Variants in JAKMIP3 observed in about 807,000 individuals in gnomAD.
JAKMIP3 encodes janus kinase and microtubule-interacting protein 3.
A neutral mutation model predicts 118.5 loss-of-function variants in JAKMIP3; 58 were observed. The observed-to-expected ratio is 0.49, with a 90% CI of 0.40 to 0.61. The LOEUF (loss-of-function observed/expected upper bound fraction) is 0.61. Among genes scored for constraint, JAKMIP3 ranks in the 20% least tolerant of loss-of-function variants. The pLI, the probability that JAKMIP3 is intolerant of heterozygous loss-of-function variation, is 0.00. For synonymous variants in JAKMIP3, 486 were observed against 451.2 expected, an observed-to-expected ratio of 1.08 and a Z score of -0.98; for missense variants, 950 against 1,109.0, an observed-to-expected ratio of 0.86 and a Z score of 2.04.
chr10:132,077,433 CCCG>C (rs2041005431), intron 1 of JAKMIP3, among the ~76,000 whole-genome samples: 1 of 152,156 alleles, frequency 6.6e-6, no homozygotes, highest in Non-Finnish European at 1.5e-5. Flanking sequence ...CCACAGGGGG[CCCG>C]AAGAGTCCTC....
chr10:132,109,043 TACAC>T (rs199947950), intron 2 of JAKMIP3, among the ~76,000 whole-genome samples: 27 of 140,236 alleles, frequency 1.9e-4, no homozygotes, highest in African/African-American at 3.2e-4. Flanking sequence ...TGTATATATA[TACAC>T]ACACATACAT....
chr10:132,061,083 A>G (rs2038377276), upstream of JAKMIP3, among the ~76,000 whole-genome samples: 1 of 152,238 alleles, frequency 6.6e-6, no homozygotes, highest in Non-Finnish European at 1.5e-5. Context: ...AGATTTCAGC[A>G]AGCTGCTAGT....
intron 16 of JAKMIP3, 81 bp downstream of exon 16, chr10:132,150,122 C>T: frequency 8.7e-7 from 1 of 1,154,130 alleles, no homozygotes; most frequent in Non-Finnish European, 1.2e-6. Context: ...GGAGGCCCTG[C>T]CAGCCTCCCA....
chr10:132,159,192 ATCTCTCCCTGTGTGATGCTGTGGGGG>A, intron 19 of JAKMIP3, among the ~76,000 whole-genome samples: 1 of 9,246 alleles, frequency 1.1e-4, no homozygotes. Context: ...TTGTGGGGGC[ATCTCTCCCTGTGTGATGCTGTGGGGG>A]CATCTCTCCC....
intron 2 of JAKMIP3, among the ~76,000 whole-genome samples, chr10:132,111,650 C>T (rs529402902): frequency 1.3e-5 from 2 of 152,232 alleles, no homozygotes; most frequent in East Asian, 3.9e-4. Flanking sequence ...GCCGGCCTCC[C>T]TGGACCGCTG....
chr10:132,148,097 A>C, intron 14 of JAKMIP3, 47 bp downstream of exon 14: 2 of 1,237,700 alleles, frequency 1.6e-6, no homozygotes, highest in Non-Finnish European at 2.3e-6. Flanking sequence ...TGTGTCAGGG[A>C]TCTAGTCCTC....
At chr10:132,097,994 TC>T (rs1476223582) in intron 1 of JAKMIP3, among the ~76,000 whole-genome samples, 1 of 120,272 alleles carries the variant, frequency 8.3e-6, no homozygotes, top group Non-Finnish European at 1.7e-5. Context: ...CCCTTCCCCT[TC>T]CCCTTCCCCT....
rs757728403 is a variant in JAKMIP3, at chr10:132,117,327, A to T, written c.386A>T (p.Glu129Val). The change falls in exon 3 of 24, where the codon GAA (glutamate) becomes GTA (valine). Residue 129 changes from glutamate to valine, a missense_variant. By Grantham distance (121) the Glu-to-Val change is moderately radical (BLOSUM62 -2). Transcript: ENST00000684848. This position sits in a 1 kb window ranked among gnomAD's most constrained non-coding sequence, Gnocchi z 8.6. ...AGTGCCCTGCGTGATGGCGGCCCCGAAAAGGTCAAGACCGTGCTGCTGTCC... is the reference window on the plus strand; with the variant it reads ...AGTGCCCTGCGTGATGGCGGCCCCGTAAAGGTCAAGACCGTGCTGCTGTCC... ...LLSALRDGGP[E>V]KVKTVLLSEA... is the part of the protein sequence containing the mutation. 1 of 1,613,942 alleles carries T rather than the reference A, an allele frequency of 6.2e-7. No homozygotes were observed. The highest frequency in any genetic ancestry group is 8.5e-7 in the Non-Finnish European group (1 of 1,179,872).
intron 1 of JAKMIP3, among the ~76,000 whole-genome samples, chr10:132,080,604 C>A (rs1411247265): frequency 7.0e-6 from 1 of 142,560 alleles, no homozygotes; most frequent in Non-Finnish European, 1.5e-5. Flanking sequence ...TCACTGCAAC[C>A]TCTGCTTCCC....
At chr10:132,159,844 TG>T (rs1394976277) in intron 19 of JAKMIP3, among the ~76,000 whole-genome samples, 1 of 48,886 alleles carries the variant, frequency 2.0e-5, no homozygotes, top group Admixed American at 2.5e-4. Flanking sequence ...TGTGTGATGC[TG>T]GGGGGCCTCT....
chr10:132,085,529 C>G (rs1437762800), intron 1 of JAKMIP3, among the ~76,000 whole-genome samples: 1 of 143,886 alleles, frequency 6.9e-6, no homozygotes, highest in Non-Finnish European at 1.5e-5. Flanking sequence ...GAGAGGAAGT[C>G]TTGCTCTGTC....
intron 11 of JAKMIP3, among the ~76,000 whole-genome samples, chr10:132,142,504 C>T (rs559498629): frequency 6.6e-6 from 1 of 152,212 alleles, no homozygotes; most frequent in Non-Finnish European, 1.5e-5. Context: ...CGGCCCCTCT[C>T]CCCCGGCCTC....
intron 1 of JAKMIP3, among the ~76,000 whole-genome samples, chr10:132,047,640 T>C (rs928179605): frequency 1.3e-5 from 1 of 79,418 alleles, no homozygotes; most frequent in African/African-American, 4.4e-5. Context: ...CACCCCCCCC[T>C]GCGAGTTGGC....
At chr10:132,150,706 C>T (rs993139616) in intron 16 of JAKMIP3, among the ~76,000 whole-genome samples, 4 of 151,826 alleles carry the variant, frequency 2.6e-5, no homozygotes, top group Non-Finnish European at 5.9e-5. Flanking sequence ...CATAATCCAT[C>T]TATCCGTCCT....
Position 132,172,169 on chromosome 10 carries a change from C to T in JAKMIP3, c.*1103+3136C>T, listed in dbSNP as rs544171596. ...GCCTCGACGCTTGGATAAGAACTGG[C>T]GGGTTATTTTGTAGAAGGTTCCTCA... is the stretch of plus-strand genomic sequence containing the variant. On this transcript the variant is annotated intron_variant, in intron 23 of 23. Coordinates refer to ENST00000684848, the MANE Select transcript of JAKMIP3 (RefSeq NM_001323087.2). 6.5e-4 allele frequency among the ~76,000 whole-genome samples: 99 copies of T among 152,166 alleles called. 2 individuals carry two copies. In the South Asian group the frequency reaches 0.016, roughly 25 times the overall value.
intron 2 of JAKMIP3, among the ~76,000 whole-genome samples, chr10:132,107,760 ACCGTG>A (rs546479712): frequency 6.6e-6 from 1 of 152,220 alleles, no homozygotes; most frequent in East Asian, 1.9e-4. Context: ...CACATGCCCC[ACCGTG>A]GTGGGCCTGT....
At chr10:132,107,275 C>T (rs565102223) in intron 2 of JAKMIP3, among the ~76,000 whole-genome samples, 1 of 152,340 alleles carries the variant, frequency 6.6e-6, no homozygotes, top group South Asian at 2.1e-4. Flanking sequence ...CTAATTACAA[C>T]AGCATCATGT....
chr10:132,120,253 C>T (rs1425120194), intron 3 of JAKMIP3, among the ~76,000 whole-genome samples: 1 of 152,204 alleles, frequency 6.6e-6, no homozygotes, highest in Non-Finnish European at 1.5e-5. Flanking sequence ...CCAGTGTTGC[C>T]CGTGAGAGCC....
intron 1 of JAKMIP3, among the ~76,000 whole-genome samples, chr10:132,071,936 C>T (rs547534051): frequency 1.3e-4 from 18 of 136,208 alleles, no homozygotes; most frequent in South Asian, 5.1e-4. Context: ...CCTTTCTTTC[C>T]TTTTTTTCCT....
Sources: gnomAD v4.1 joint callset for allele counts (sites outside exome capture counted in the v4.1 genomes callset) on GRCh38, gnomAD v4.1.1 for gene constraint, Gnocchi (gnomAD v3.1) non-coding constraint, MANE v1.5 for transcripts, NCBI Gene and HGNC (gene_info 2026-07-23, HGNC 2026-07-21) for gene names.